The following OPRM1 variants were observed in gnomAD, a reference collection of about 807,000 sequenced individuals.
OPRM1 encodes opioid receptor mu 1.
Under a neutral mutation model 31.8 loss-of-function variants are expected in OPRM1, and 27 were observed. The observed-to-expected ratio is 0.85, with a 90% CI of 0.63 to 1.17. OPRM1 has a LOEUF of 1.17. Among genes scored for constraint, OPRM1 ranks in the 50% most tolerant of loss-of-function variants. The pLI is 0.00. For missense variants in OPRM1, 536 were observed against 511.1 expected, an observed-to-expected ratio of 1.05 and a Z score of -0.47; for synonymous variants, 196 against 189.9, an observed-to-expected ratio of 1.03 and a Z score of -0.26.
chr6:154,212,736 C>G (rs772273479), intron 3 of OPRM1: 1 of 1,394,226 alleles, frequency 7.2e-7, no homozygotes, highest in South Asian at 1.2e-5. Context: ...CATGTCTGAT[C>G]GATGACCAAC....
intron 1 of OPRM1, among the ~76,000 whole-genome samples, chr6:154,043,352 A>G (rs1173099859): frequency 6.6e-6 from 1 of 152,126 alleles, no homozygotes; most frequent in East Asian, 1.9e-4. Context: ...GATTTTAGAA[A>G]AAGTCCTGTG....
rs752826563 is a variant in OPRM1 at position 154,159,914 on chromosome 6, C to G, written c.1164+68442C>G. 5 of 1,613,690 alleles carry G rather than the reference C, an allele frequency of 3.1e-6. No individual in the cohort carries two copies. In the Admixed American group the frequency reaches 6.7e-5, roughly 22 times the overall value. On this transcript the variant is annotated intron_variant, in intron 3 of 3. Coordinates refer to the OPRM1 transcript ENST00000337049. ...TCAGTGTCATCAGGGGCAGGCGAAG[C>G]CCGCTGCTGCTGATAGATGTCCTGG...
chr6:154,016,511 G>A (rs904115745), intron 1 of OPRM1, among the ~76,000 whole-genome samples: 11 of 151,886 alleles, frequency 7.2e-5, no homozygotes, highest in Admixed American at 3.9e-4. Context: ...TTAAGTGAGG[G>A]AAGAAGGGGA....
chr6:154,022,584 T>G (rs1468654517), intron 1 of OPRM1, among the ~76,000 whole-genome samples: 3 of 152,204 alleles, frequency 2.0e-5, no homozygotes, highest in Admixed American at 6.5e-5. Context: ...CCATTTTTGC[T>G]TTGGTTTCTT....
chr6:154,063,625 T>C (rs1043153342), intron 1 of OPRM1, among the ~76,000 whole-genome samples: 1 of 151,966 alleles, frequency 6.6e-6, no homozygotes, highest in Non-Finnish European at 1.5e-5. Flanking sequence ...AAACTGAAAC[T>C]CTATACCCAT....
In OPRM1 at chr6:154,241,951, G is replaced by A. The variant is rs73789378; in HGVS notation, c.1165-4742G>A. Among the ~76,000 whole-genome samples the A allele has an allele frequency of 2.6e-3, 396 of 152,224 alleles. 2 individuals are homozygous for A. Among genetic ancestry groups the A allele is most frequent in the African/African-American group, 8.8e-3 (366 of 41,520 alleles). On this transcript the variant is annotated intron_variant, in intron 3 of 3. Transcript: ENST00000337049. ...CTGGGGAAAAGAGCCTGGCTTTGTC[G>A]TTGGGAAACCTTTGTTTTAAATCCC...
downstream of OPRM1, among the ~76,000 whole-genome samples, chr6:154,135,865 G>A (rs981523967): frequency 2.6e-5 from 4 of 152,152 alleles, no homozygotes; most frequent in Non-Finnish European, 5.9e-5. Flanking sequence ...TTTTCTGAAA[G>A]GAAAGTATAC....
At chr6:154,086,550 C>T in intron 1 of OPRM1, 1 of 984,254 alleles carries the variant, frequency 1.0e-6, no homozygotes, top group Non-Finnish European at 1.2e-6. Context: ...TTTCCTTTCA[C>T]CATGTTGAAC....
intron 3 of OPRM1, among the ~76,000 whole-genome samples, chr6:154,205,626 C>T (rs1186207452): frequency 6.6e-6 from 1 of 152,016 alleles, no homozygotes; most frequent in Non-Finnish European, 1.5e-5. Flanking sequence ...CAAAGAAACA[C>T]ATTAATTTAT....
chr6:154,190,711 T>C (rs1322179608), intron 3 of OPRM1, among the ~76,000 whole-genome samples: 1 of 152,220 alleles, frequency 6.6e-6, no homozygotes, highest in Non-Finnish European at 1.5e-5. Flanking sequence ...TGCACCCACA[T>C]GTTGCTAGCA....
chr6:154,231,782 G>T (rs1049373784), intron 3 of OPRM1, among the ~76,000 whole-genome samples: 2 of 152,216 alleles, frequency 1.3e-5, no homozygotes, highest in African/African-American at 4.8e-5. Flanking sequence ...TGACTTGGTT[G>T]TAACTTGTTA....
rs192388785 is a variant in OPRM1 at position 154,168,863 on chromosome 6, C to T, written c.1164+77391C>T. On this transcript the variant is annotated intron_variant, in intron 3 of 3. Coordinates refer to the OPRM1 transcript ENST00000337049. The surrounding 1 kb of genome is among the most constrained non-coding windows in gnomAD (Gnocchi z 4.1). Reference sequence around the variant, plus strand: ...TTGGGTGATCCGCCCACCTTGGCCTCCCAAAGTGCTGGGATTACAGGTGTG... The same window carrying T: ...TTGGGTGATCCGCCCACCTTGGCCTTCCAAAGTGCTGGGATTACAGGTGTG... Among the ~76,000 whole-genome samples the T allele has an allele frequency of 1.6e-3, 239 of 152,136 alleles. 1 individual carries two copies. Among genetic ancestry groups the T allele is most frequent in the Non-Finnish European group, 2.7e-3 (184 of 68,008 alleles).
chr6:154,018,664 A>G (rs1778154435), intron 1 of OPRM1, among the ~76,000 whole-genome samples: 1 of 152,182 alleles, frequency 6.6e-6, no homozygotes, highest in South Asian at 2.1e-4. Context: ...TCATTCTCCT[A>G]TCCAAACTAC....
At chr6:154,074,345 G>A (rs546898215) in intron 1 of OPRM1, 38 of 152,240 alleles carry the variant, frequency 2.5e-4, no homozygotes, top group African/African-American at 7.9e-4. Flanking sequence ...TTAAATAAAC[G>A]AACAAATTGG....
rs9282817 is a variant in OPRM1 at position 154,039,732 on chromosome 6, G to A, written c.188G>A (p.Gly63Asp). ...AGAGACAGCCTGTGCCCTCCGACCG[G>A]CAGTCCCTCCATGATCACGGCCATC... Reference protein sequence around the residue: ...GGRDSLCPPTGSPSMITAITI... With the variant: ...GGRDSLCPPTDSPSMITAITI... Residue 63 changes from glycine to aspartate, a missense_variant, in exon 1 of 4, where the codon GGC becomes GAC. Physicochemically the swap from Gly to Asp is moderately conservative, Grantham distance 94. Transcript: ENST00000330432. The A allele has an allele frequency of 5.6e-6, 9 of 1,610,262 alleles. No individual in the cohort carries two copies. The highest frequency in any genetic ancestry group is 6.8e-6 in the Non-Finnish European group (8 of 1,180,004).
chr6:154,205,157 G>C (rs1363547188), intron 3 of OPRM1, among the ~76,000 whole-genome samples: 1 of 152,166 alleles, frequency 6.6e-6, no homozygotes, highest in Non-Finnish European at 1.5e-5. Context: ...CATCTTCAGA[G>C]CATTTGTCAG....
intron 3 of OPRM1, among the ~76,000 whole-genome samples, chr6:154,235,401 G>A (rs1050627649): frequency 1.3e-5 from 2 of 151,888 alleles, no homozygotes; most frequent in African/African-American, 2.4e-5. Flanking sequence ...GTGTGGTGGC[G>A]GGTGCCTGTA....
rs1461684263 is a variant in OPRM1, at chr6:154,168,233, C to A, written c.1164+76761C>A. Reference sequence around the variant, plus strand: ...TGGCACCCTCATCTCAGACTTCTCTCCGGAACTGAAAGACAATAAATGTTT... The same window carrying A: ...TGGCACCCTCATCTCAGACTTCTCTACGGAACTGAAAGACAATAAATGTTT... On this transcript the variant is annotated intron_variant, in intron 3 of 3. Transcript: ENST00000337049. The surrounding 1 kb of genome is among the most constrained non-coding windows in gnomAD (Gnocchi z 4.1). 1.5e-6 allele frequency: 1 copy of A among 685,496 alleles called. No homozygotes were observed. The highest frequency in any genetic ancestry group is 2.3e-6 in the Non-Finnish European group (1 of 428,396). The allele number at this position is 685,496 out of a possible 1,614,324, so 42.5% of individuals were successfully genotyped here. A position where few individuals can be genotyped will look rare whatever the true frequency, so the allele number is the denominator to read the frequency against.
chr6:154,234,070 C>T (rs1303492173), intron 3 of OPRM1, among the ~76,000 whole-genome samples: 1 of 152,114 alleles, frequency 6.6e-6, no homozygotes, highest in African/African-American at 2.4e-5. Context: ...TAGCAAAGCA[C>T]AACTATGTGC....
Sources: allele counts gnomAD v4.1 joint callset (sites outside exome capture counted in the v4.1 genomes callset), GRCh38; gene constraint gnomAD v4.1.1; non-coding constraint Gnocchi (gnomAD v3.1); transcripts MANE v1.5; gene names NCBI Gene and HGNC (gene_info 2026-07-23, HGNC 2026-07-21).